Variants in MTMR7 observed in about 807,000 individuals in gnomAD.
The protein encoded by MTMR7 is myotubularin related protein 7, also known as phosphatidylinositol-3-phosphate phosphatase MTMR7.
MTMR7 carries 76 observed loss-of-function variants against 81.2 expected under a neutral mutation model. That is an observed-to-expected ratio of 0.94 (90% CI 0.78 to 1.13). The LOEUF (loss-of-function observed/expected upper bound fraction) is 1.13, where lower values mean the gene tolerates loss of function less well. Ranked by LOEUF, MTMR7 falls within the 50% of genes most tolerant of loss-of-function variation. The probability of loss-of-function intolerance (pLI) is 0.00; values close to 1 mark genes in which losing one functional copy is unlikely to be tolerated. For missense variants in MTMR7, 1,044 were observed against 820.0 expected (o/e 1.27, Z -3.34); for synonymous variants, 372 against 289.8 (o/e 1.28, Z -2.88).
chr8:17,341,056 G>A (rs561287135), intron 6 of MTMR7, among the ~76,000 whole-genome samples: 11 of 152,290 alleles, frequency 7.2e-5, no homozygotes, highest in Admixed American at 5.2e-4. Flanking sequence ...AAGAAACCAA[G>A]TACTAATACG....
intron 6 of MTMR7, chr8:17,338,979 C>T (rs1819333596): frequency 1.3e-5 from 2 of 152,110 alleles, no homozygotes; most frequent in South Asian, 2.1e-4. Flanking sequence ...ACGAGTAGGG[C>T]ACTGATCTCA....
chr8:17,354,005 C>T (rs10097707), intron 4 of MTMR7, among the ~76,000 whole-genome samples: 12,095 of 152,204 alleles, frequency 0.079, 1,242 homozygotes, highest in East Asian at 0.32. Flanking sequence ...TCTTTGTTAA[C>T]CAAGTTAGAA....
At chr8:17,346,884 TAAAAAAAAAAAAAA>T (rs55910829) in intron 5 of MTMR7, among the ~76,000 whole-genome samples, 3 of 65,040 alleles carry the variant, frequency 4.6e-5, no homozygotes, top group Non-Finnish European at 5.9e-5. Flanking sequence ...CCTATCTTAA[TAAAAAAAAAAAAAA>T]AAAAAAAAAA....
At chr8:17,304,020 C>T (rs1586136465) in intron 12 of MTMR7, among the ~76,000 whole-genome samples, 1 of 152,182 alleles carries the variant, frequency 6.6e-6, no homozygotes, top group East Asian at 1.9e-4. Flanking sequence ...ATTATTTTTG[C>T]TCCAACCTTA....
intron 1 of MTMR7, among the ~76,000 whole-genome samples, chr8:17,403,294 T>C (rs1020979343): frequency 6.6e-6 from 1 of 152,212 alleles, no homozygotes; most frequent in Non-Finnish European, 1.5e-5. Flanking sequence ...CTTCTGCATA[T>C]GGATATCCAG....
At position 17,354,568 on chromosome 8, in the gene MTMR7, C is replaced by T. The variant is rs76812083; in HGVS notation, c.469-5487G>A. On this transcript the variant is annotated intron_variant, in intron 4 of 13. Coordinates refer to ENST00000180173, the MANE Select transcript of MTMR7 (RefSeq NM_004686.5). ...GCCTGCCCAAGGCCAAAGAAAATAG[C>T]AGAATTGGTTCTAGAATCTAAGTTT... Among the ~76,000 whole-genome samples, 1,142 of 152,206 alleles carry T rather than the reference C, an allele frequency of 7.5e-3. 8 individuals carry two copies. Among genetic ancestry groups the T allele is most frequent in the Non-Finnish European group, 0.011 (726 of 68,008 alleles).
chr8:17,350,085 G>T (rs925236162), intron 4 of MTMR7, among the ~76,000 whole-genome samples: 1 of 152,206 alleles, frequency 6.6e-6, no homozygotes, highest in African/African-American at 2.4e-5. Flanking sequence ...GGCTACTGTT[G>T]CTCAACACAT....
At chr8:17,370,995 TAA>T in intron 3 of MTMR7, 40 bp downstream of exon 3, 1 of 1,588,410 alleles carries the variant, frequency 6.3e-7, no homozygotes, top group Non-Finnish European at 8.6e-7. Context: ...TGCAAATTTT[TAA>T]GAGAGGTTCC....
rs1281669971 is a variant in MTMR7 at position 17,309,346 on chromosome 8, A to G, written c.1102-20T>C. On this transcript the variant is annotated intron_variant, in intron 9 of 13. Transcript: ENST00000180173. ...TAATACCTACACAAGAAAGAATACAAATATCTTGGAGAGAAGCAAACGAAA... is the reference window on the plus strand; with the variant it reads ...TAATACCTACACAAGAAAGAATACAGATATCTTGGAGAGAAGCAAACGAAA... 1.3e-6 allele frequency: 2 copies of G among 1,516,082 alleles called. No individual in the cohort carries two copies. Among genetic ancestry groups the G allele is most frequent in the African/African-American group, 1.4e-5 (1 of 72,256 alleles). The allele number at this position is 1,516,082 out of a possible 1,614,324, so 93.9% of individuals were successfully genotyped here. A position where few individuals can be genotyped will look rare whatever the true frequency, so the allele number is the denominator to read the frequency against.
intron 7 of MTMR7, among the ~76,000 whole-genome samples, chr8:17,326,081 G>A (rs1818663490): frequency 1.3e-5 from 2 of 152,296 alleles, no homozygotes; most frequent in South Asian, 4.1e-4. Flanking sequence ...AGTTTACGCA[G>A]AGACTCAATC....
intron 1 of MTMR7, among the ~76,000 whole-genome samples, chr8:17,408,851 G>A (rs1293561224): frequency 1.3e-5 from 2 of 152,208 alleles, no homozygotes; most frequent in Admixed American, 1.3e-4. Context: ...AACTACTAAT[G>A]GATTTCTTTT....
chr8:17,302,042 G>T, intron 13 of MTMR7, 112 bp downstream of exon 13: 1 of 1,421,658 alleles, frequency 7.0e-7, no homozygotes, highest in Non-Finnish European at 9.7e-7. Flanking sequence ...GTGTTCTACT[G>T]ACTAAAAATG....
rs146998507 is a variant in MTMR7 at position 17,311,905 on chromosome 8, G to A, written c.976-269C>T. The A allele has an allele frequency of 4.6e-4, 174 of 375,942 alleles. 2 individuals carry two copies. In the East Asian group the frequency reaches 8.0e-3, roughly 17 times the overall value. The allele number at this position is 375,942 out of a possible 1,614,324, so 23.3% of individuals were successfully genotyped here. A position where few individuals can be genotyped will look rare whatever the true frequency, so the allele number is the denominator to read the frequency against. On this transcript the variant is annotated intron_variant, in intron 8 of 13. Transcript: ENST00000180173. ...ATGTACTTACTAAACATAAGCATTC[G>A]TCCTATGCAAACGGACCTTCAACCC...
chr8:17,396,372 C>A (rs187087993), intron 1 of MTMR7, among the ~76,000 whole-genome samples: 107 of 152,306 alleles, frequency 7.0e-4, no homozygotes, highest in African/African-American at 2.4e-3. Flanking sequence ...TGTCCCCCAT[C>A]CCCTGGTAGT....
intron 4 of MTMR7, among the ~76,000 whole-genome samples, chr8:17,359,068 A>T (rs925131397): frequency 6.6e-6 from 1 of 151,838 alleles, no homozygotes; most frequent in African/African-American, 2.4e-5. Context: ...TAATTTTTTA[A>T]ATTGCTTTTG....
chr8:17,316,479 A>AAT (rs1446259380), intron 7 of MTMR7, among the ~76,000 whole-genome samples: 1 of 140,652 alleles, frequency 7.1e-6, no homozygotes, highest in Non-Finnish European at 1.5e-5. Context: ...AAAAAAAAAA[A>AAT]CCTTTCTACA....
chr8:17,360,250 C>T (rs942341094), intron 4 of MTMR7, among the ~76,000 whole-genome samples: 5 of 152,142 alleles, frequency 3.3e-5, no homozygotes, highest in African/African-American at 1.2e-4. Flanking sequence ...TTAATATACA[C>T]ATTAAAATCC....
chr8:17,300,271 T>C (rs540321185), intron 13 of MTMR7, 47 bp from the exon 14 acceptor site: 4 of 1,548,634 alleles, frequency 2.6e-6, no homozygotes, highest in South Asian at 1.2e-5. Context: ...AAATAACTTA[T>C]CTTTTTCTAT....
chr8:17,346,776 T>C (rs1339707547), intron 5 of MTMR7, among the ~76,000 whole-genome samples: 5 of 149,514 alleles, frequency 3.3e-5, no homozygotes, highest in East Asian at 2.0e-4. Context: ...TCATCTTCTC[T>C]CTTCTTTAAT....
Sources: gnomAD v4.1 joint callset for allele counts (sites outside exome capture counted in the v4.1 genomes callset) on GRCh38, gnomAD v4.1.1 for gene constraint, MANE v1.5 for transcripts, NCBI Gene and HGNC (gene_info 2026-07-23, HGNC 2026-07-21) for gene names.